The following PPP3CB variants were observed in gnomAD, a reference collection of about 807,000 sequenced individuals.
The protein encoded by PPP3CB is serine/threonine-protein phosphatase 2B catalytic subunit beta isoform.
In PPP3CB, 8 loss-of-function variants were observed where a neutral mutation model predicts 66.4. That is an observed-to-expected ratio of 0.12 (90% confidence interval 0.07 to 0.22). The LOEUF (loss-of-function observed/expected upper bound fraction) is 0.22. Ranked by LOEUF, PPP3CB falls within the 10% of genes least tolerant of loss-of-function variation. The pLI is 1.00. For missense variants in PPP3CB, 319 were observed against 642.5 expected, an observed-to-expected ratio of 0.50 and a Z score of 5.44; for synonymous variants, 208 against 221.2, an observed-to-expected ratio of 0.94 and a Z score of 0.53.
intron 9 of PPP3CB, among the ~76,000 whole-genome samples, chr10:73,464,660 A>G (rs111630021): frequency 0.046 from 7,072 of 152,206 alleles, 498 homozygotes; most frequent in African/African-American, 0.15. Context: ...CGTTTTTGGC[A>G]GTGGCTCACA....
chr10:73,465,375 A>C (rs981520670), intron 9 of PPP3CB, among the ~76,000 whole-genome samples: 1 of 151,998 alleles, frequency 6.6e-6, no homozygotes, highest in African/African-American at 2.4e-5. Flanking sequence ...ACTACAGGCC[A>C]ATGTAGGAAT....
rs781524941 is a variant in PPP3CB, at chr10:73,444,652, T to C, written c.1366+73A>G. 18 of 1,600,418 alleles carry C rather than the reference T, an allele frequency of 1.1e-5. No individual in the cohort carries two copies. In the African/African-American group the frequency reaches 1.6e-4, roughly 14 times the overall value. On this transcript the variant is annotated intron_variant, in intron 12 of 13. Coordinates refer to ENST00000360663, the MANE Select transcript of PPP3CB (RefSeq NM_021132.4). ...CAGAAGGAATTCCCTGCATGCATTA[T>C]GTGAATTGTTAGCAAAAGAGTGAGG...
At chr10:73,466,848 T>C (rs1361095488) in intron 9 of PPP3CB, 1 of 152,138 alleles carries the variant, frequency 6.6e-6, no homozygotes, top group Non-Finnish European at 1.5e-5. Flanking sequence ...TTTCCACATA[T>C]GGAAACTGAG....
chr10:73,481,399 G>A (rs1210037107), intron 1 of PPP3CB, among the ~76,000 whole-genome samples: 1 of 150,568 alleles, frequency 6.6e-6, no homozygotes, highest in African/African-American at 2.4e-5. Context: ...TTAAACCCGG[G>A]GAGGCAGAAG....
intron 4 of PPP3CB, among the ~76,000 whole-genome samples, chr10:73,473,759 A>C (rs968914768): frequency 1.3e-5 from 2 of 152,270 alleles, no homozygotes; most frequent in Middle Eastern, 3.4e-3. Context: ...TTAGATTACC[A>C]TTGCTATAAT....
intron 9 of PPP3CB, among the ~76,000 whole-genome samples, chr10:73,464,150 G>C (rs977654284): frequency 6.6e-6 from 1 of 152,142 alleles, no homozygotes; most frequent in Non-Finnish European, 1.5e-5. Flanking sequence ...GGTGGGTCTT[G>C]AACTCCTAAC....
intron 3 of PPP3CB, among the ~76,000 whole-genome samples, chr10:73,476,620 T>TAAAAA (rs1296984557): frequency 2.9e-4 from 36 of 122,298 alleles, no homozygotes; most frequent in African/African-American, 1.1e-3. Context: ...CCATCTCAAT[T>TAAAAA]AAAAAAAAAA....
At chr10:73,491,027 T>TG in intron 1 of PPP3CB, among the ~76,000 whole-genome samples, 1 of 108,374 alleles carries the variant, frequency 9.2e-6, no homozygotes, top group East Asian at 2.5e-4. Flanking sequence ...TTATTGTTTT[T>TG]TTTTTTTTTT....
At chr10:73,469,529 G>GGAA (rs2056671266) in intron 8 of PPP3CB, among the ~76,000 whole-genome samples, 1 of 152,172 alleles carries the variant, frequency 6.6e-6, no homozygotes, top group African/African-American at 2.4e-5. Context: ...GCAACAGAGC[G>GGAA]AGACCCTGTC....
intron 9 of PPP3CB, among the ~76,000 whole-genome samples, chr10:73,460,117 T>C (rs189879867): frequency 1.3e-5 from 2 of 151,898 alleles, no homozygotes; most frequent in Admixed American, 6.6e-5. Flanking sequence ...GAAGAGAAAG[T>C]AGGGAAGGTC....
chr10:73,455,718 G>A (rs1405727994), intron 9 of PPP3CB, among the ~76,000 whole-genome samples: 3 of 152,134 alleles, frequency 2.0e-5, no homozygotes, highest in Non-Finnish European at 4.4e-5. Flanking sequence ...ACAGGTGCCC[G>A]CCACCTCGCC....
At chr10:73,450,479 A>G (rs1168329243) in intron 10 of PPP3CB, among the ~76,000 whole-genome samples, 1 of 152,162 alleles carries the variant, frequency 6.6e-6, no homozygotes, top group South Asian at 2.1e-4. Context: ...CATTTCCTCA[A>G]CATTCTTTTC....
intron 8 of PPP3CB, among the ~76,000 whole-genome samples, chr10:73,468,362 T>C (rs941008344): frequency 9.2e-5 from 14 of 152,164 alleles, no homozygotes; most frequent in Non-Finnish European, 2.1e-4. Context: ...ATAATTAAAA[T>C]CTTAAATGAC....
rs368078431 is a variant in PPP3CB, at chr10:73,438,209, C to A, written c.*33G>T. Reference sequence around the variant, plus strand: ...CCTCGGGTGATCTGTCCATTTGGGGCCCGAGATGTGAGAGTCCCTGGGAAG... The same window carrying A: ...CCTCGGGTGATCTGTCCATTTGGGGACCGAGATGTGAGAGTCCCTGGGAAG... On this transcript the variant is annotated 3_prime_UTR_variant, in exon 14 of 14. Transcript: ENST00000360663. The A allele has an allele frequency of 2.5e-6, 4 of 1,597,410 alleles. No homozygotes were observed. The highest frequency in any genetic ancestry group is 1.3e-5 in the African/African-American group (1 of 74,372).
chr10:73,460,506 G>A (rs2132866978), intron 9 of PPP3CB, among the ~76,000 whole-genome samples: 1 of 152,152 alleles, frequency 6.6e-6, no homozygotes, highest in African/African-American at 2.4e-5. Flanking sequence ...CTTCAACAAG[G>A]GAAGAATTCA....
intron 9 of PPP3CB, among the ~76,000 whole-genome samples, chr10:73,462,339 A>G (rs930534935): frequency 6.6e-6 from 1 of 151,096 alleles, no homozygotes; most frequent in African/African-American, 2.4e-5. Flanking sequence ...TTCTTTATAC[A>G]ATTTTTTAAA....
At chr10:73,443,272 GAAAGAAAGAAAGACAGAA>G (rs2056185739) in intron 12 of PPP3CB, among the ~76,000 whole-genome samples, 1 of 115,990 alleles carries the variant, frequency 8.6e-6, no homozygotes, top group African/African-American at 3.8e-5. Context: ...GAGAGAGAAA[GAAAGAAAGAAAGACAGAA>G]AGAAAGAAAG....
chr10:73,484,845 A>C (rs2056946486), intron 1 of PPP3CB, among the ~76,000 whole-genome samples: 1 of 152,032 alleles, frequency 6.6e-6, no homozygotes, highest in South Asian at 2.1e-4. Context: ...TGAGGTCAGG[A>C]GGTCAAGACC....
chr10:73,487,564 C>CAAAAAAAAAAAAAAAAAAAAAAA (rs746889105), intron 1 of PPP3CB, among the ~76,000 whole-genome samples: 1 of 65,216 alleles, frequency 1.5e-5, no homozygotes, highest in Non-Finnish European at 3.0e-5. Context: ...AAACCAAAAC[C>CAAAAAAAAAAAAAAAAAAAAAAA]AAAAAAAAAA....
Sources: gnomAD v4.1 joint callset for allele counts (sites outside exome capture counted in the v4.1 genomes callset) on GRCh38, gnomAD v4.1.1 for gene constraint, MANE v1.5 for transcripts, NCBI Gene and HGNC (gene_info 2026-07-23, HGNC 2026-07-21) for gene names.